Variants in STX18 observed in about 807,000 individuals in gnomAD.
The protein encoded by STX18 is syntaxin 18, also known as syntaxin-18.
In STX18, 40 loss-of-function variants were observed where a neutral mutation model predicts 50.1. That is an observed-to-expected ratio of 0.80 (90% CI 0.62 to 1.04). The LOEUF (loss-of-function observed/expected upper bound fraction) is 1.04, where lower values mean the gene tolerates loss of function less well. STX18 is among the 50% of genes least tolerant of loss of function. The probability of loss-of-function intolerance (pLI) is 0.00; values close to 1 mark genes in which losing one functional copy is unlikely to be tolerated. For synonymous variants in STX18, 158 were observed against 151.8 expected (o/e 1.04, Z -0.30); for missense variants, 410 against 415.8 (o/e 0.99, Z 0.12).
At chr4:4,506,498 C>T (rs62289850) in intron 1 of STX18, among the ~76,000 whole-genome samples, 19,411 of 152,158 alleles carry the variant, frequency 0.13, 1,610 homozygotes, top group East Asian at 0.26. Context: ...AATGGAGAAC[C>T]GTTTGTGGGT....
chr4:4,477,274 T>C (rs1229994913), intron 1 of STX18, among the ~76,000 whole-genome samples: 1 of 152,082 alleles, frequency 6.6e-6, no homozygotes, highest in African/African-American at 2.4e-5. Flanking sequence ...AACAAACTCA[T>C]GTAGTACTTT....
At chr4:4,434,715 AAC>A in intron 7 of STX18, 53 bp downstream of exon 7, 1 of 1,462,110 alleles carries the variant, frequency 6.8e-7, no homozygotes, top group South Asian at 1.3e-5. Flanking sequence ...TCCTTAGTGA[AAC>A]AGTCTTATGA....
At chr4:4,532,743 C>A (rs1201344236) in intron 1 of STX18, among the ~76,000 whole-genome samples, 1 of 152,172 alleles carries the variant, frequency 6.6e-6, no homozygotes, top group Non-Finnish European at 1.5e-5. Context: ...ATTTACAATT[C>A]GAAACGTACA....
At chr4:4,507,288 G>T (rs992351831) in intron 1 of STX18, 12 of 715,004 alleles carry the variant, frequency 1.7e-5, no homozygotes, top group Non-Finnish European at 3.2e-5. Context: ...CTCTTCTGGA[G>T]CTGGAAAAGA....
At chr4:4,485,632 C>T (rs900406862) in intron 1 of STX18, among the ~76,000 whole-genome samples, 5 of 152,128 alleles carry the variant, frequency 3.3e-5, no homozygotes, top group African/African-American at 4.8e-5. Context: ...ATGATGGGAA[C>T]GGCAGATTCG....
chr4:4,537,870 CAAG>C (rs1393041755), intron 1 of STX18, among the ~76,000 whole-genome samples: 24 of 152,066 alleles, frequency 1.6e-4, no homozygotes, highest in Admixed American at 1.5e-3. Flanking sequence ...AGAATTAACT[CAAG>C]AAGAAGAAAC....
At chr4:4,505,319 C>G (rs1002569372) in intron 1 of STX18, among the ~76,000 whole-genome samples, 1 of 152,178 alleles carries the variant, frequency 6.6e-6, no homozygotes, top group East Asian at 1.9e-4. Context: ...ATGTATTTAC[C>G]TACAGTTGAA....
At position 4,423,698 on chromosome 4, in the gene STX18, G is replaced by GA. The variant is rs1725086923; in HGVS notation, c.762-112_762-111insT. 6 of 722,622 alleles carry GA rather than the reference G, an allele frequency of 8.3e-6. No homozygotes were observed. The African/African-American group carries it at 1.0e-4, about 12-fold the overall frequency. 44.8% of individuals were successfully genotyped at this position (722,622 alleles called of 1,614,324 possible). A position where few individuals can be genotyped will look rare whatever the true frequency, so the allele number is the denominator to read the frequency against. ...TTCTACGTGAAGGTGGGAGAGACAG[G>GA]GGGCACACTGTGTCGGCTGGGGGAA... On this transcript the variant is annotated intron_variant, in intron 8 of 10. Transcript: ENST00000306200.
At chr4:4,498,087 T>C (rs1185071882) in intron 1 of STX18, among the ~76,000 whole-genome samples, 1 of 152,202 alleles carries the variant, frequency 6.6e-6, no homozygotes, top group East Asian at 1.9e-4. Flanking sequence ...CGGTATTAAT[T>C]AGGAAATTCA....
intron 1 of STX18, among the ~76,000 whole-genome samples, chr4:4,537,681 T>C (rs538435328): frequency 2.6e-5 from 4 of 152,350 alleles, no homozygotes; most frequent in South Asian, 2.1e-4. Context: ...CTCGGACTCA[T>C]GTAGGCACCT....
At chr4:4,423,381 G>A (rs934191701) in intron 9 of STX18, 137 bp downstream of exon 9, 12 of 820,438 alleles carry the variant, frequency 1.5e-5, no homozygotes, top group African/African-American at 3.4e-5. Context: ...GGAGCTCTGC[G>A]CACACACACC....
At chr4:4,514,763 G>A (rs1318260129) in intron 1 of STX18, among the ~76,000 whole-genome samples, 1 of 152,080 alleles carries the variant, frequency 6.6e-6, no homozygotes, top group Non-Finnish European at 1.5e-5. Flanking sequence ...ACTAGGAGGG[G>A]CCTCTGGTCT....
At chr4:4,470,861 C>T (rs1420562298) in intron 2 of STX18, among the ~76,000 whole-genome samples, 1 of 152,018 alleles carries the variant, frequency 6.6e-6, no homozygotes, top group Non-Finnish European at 1.5e-5. Flanking sequence ...GTGGGGAGAC[C>T]GCAGTGTAGA....
At chr4:4,506,676 C>CTATATCTA (rs1729721771) in intron 1 of STX18, among the ~76,000 whole-genome samples, 2 of 152,132 alleles carry the variant, frequency 1.3e-5, no homozygotes, top group African/African-American at 4.8e-5. Context: ...GCATTGAACT[C>CTATATCTA]TATAGATACT....
chr4:4,441,936 G>C (rs144294476), intron 5 of STX18, among the ~76,000 whole-genome samples: 2 of 152,338 alleles, frequency 1.3e-5, no homozygotes, highest in Non-Finnish European at 2.9e-5. Context: ...AAAGAAGCAA[G>C]TATGGTAAAA....
intron 1 of STX18, among the ~76,000 whole-genome samples, chr4:4,532,106 G>A (rs752530432): frequency 2.0e-5 from 3 of 152,090 alleles, no homozygotes; most frequent in African/African-American, 7.2e-5. Flanking sequence ...CTACAATACT[G>A]TTATGTAACC....
At chr4:4,425,538 G>A in intron 7 of STX18, 1 of 486,032 alleles carries the variant, frequency 2.1e-6, no homozygotes. Flanking sequence ...CCCACGGCCT[G>A]CTTCCTGACT....
intron 2 of STX18, among the ~76,000 whole-genome samples, chr4:4,461,701 G>C (rs1341421521): frequency 1.3e-5 from 2 of 152,194 alleles, no homozygotes; most frequent in African/African-American, 4.8e-5. Context: ...CTTGATGAGA[G>C]ACAATAAGGG....
chr4:4,453,551 C>T (rs1381356359), intron 5 of STX18: 1 of 404,722 alleles, frequency 2.5e-6, no homozygotes, highest in Non-Finnish European at 3.3e-6. Context: ...TTTATATGCA[C>T]TGGGAAACCA....
Sources: gnomAD v4.1 joint callset for allele counts (sites outside exome capture counted in the v4.1 genomes callset) on GRCh38, gnomAD v4.1.1 for gene constraint, MANE v1.5 for transcripts, NCBI Gene and HGNC (gene_info 2026-07-23, HGNC 2026-07-21) for gene names.